TBC1D15: variants seen among roughly 807,000 people sequenced by gnomAD.
TBC1D15 encodes the protein TBC1 domain family member 15, also known as GAP for RAB7.
TBC1D15 carries 39 observed loss-of-function variants against 95.4 expected under a neutral mutation model. The observed-to-expected ratio is 0.41, with a 90% CI of 0.32 to 0.53. The LOEUF is 0.53. Ranked by LOEUF, TBC1D15 falls within the 20% of genes least tolerant of loss-of-function variation. The pLI, the probability that TBC1D15 is intolerant of heterozygous loss-of-function variation, is 0.29. For synonymous variants in TBC1D15, 258 were observed against 261.3 expected, an observed-to-expected ratio of 0.99 and a Z score of 0.12; for missense variants, 733 against 794.3, an observed-to-expected ratio of 0.92 and a Z score of 0.93.
intron 1 of TBC1D15, among the ~76,000 whole-genome samples, chr12:71,870,548 T>C (rs539195643): frequency 6.6e-6 from 1 of 152,352 alleles, no homozygotes; most frequent in South Asian, 2.1e-4. Context: ...CATATCACAG[T>C]TGATTAACAT....
intron 1 of TBC1D15, among the ~76,000 whole-genome samples, chr12:71,867,007 T>TTA (rs1891642850): frequency 6.6e-6 from 1 of 152,188 alleles, no homozygotes; most frequent in Non-Finnish European, 1.5e-5. Flanking sequence ...AAACATAAGA[T>TTA]CACACCCTTA....
chr12:71,849,314 T>C, intron 1 of TBC1D15: 1 of 1,073,136 alleles, frequency 9.3e-7, no homozygotes, highest in Non-Finnish European at 1.4e-6. Context: ...AGAATCTTTT[T>C]AGGTAAGGAG....
At chr12:71,902,203 C>A (rs1399527141) in intron 10 of TBC1D15, among the ~76,000 whole-genome samples, 1 of 152,140 alleles carries the variant, frequency 6.6e-6, no homozygotes, top group South Asian at 2.1e-4. Context: ...GTCAAACTAC[C>A]AATGACATTT....
intron 5 of TBC1D15, among the ~76,000 whole-genome samples, chr12:71,886,276 C>A (rs1159642235): frequency 6.6e-6 from 1 of 152,138 alleles, no homozygotes; most frequent in African/African-American, 2.4e-5. Context: ...TCAGACAGTT[C>A]TCCTACCTTA....
rs1010328616 is a variant in TBC1D15 at position 71,894,745 on chromosome 12, C to T, written c.717C>T (p.Tyr239=). 1 of 1,613,240 alleles carries T rather than the reference C, an allele frequency of 6.2e-7. No individual in the cohort carries two copies. Among genetic ancestry groups the T allele is most frequent in the Non-Finnish European group, 8.5e-7 (1 of 1,179,392 alleles). ...TMIGFSKVTN[Y]IFDSLRGSDP... ...TAGGATTTTCCAAAGTCACAAACTA[C>T]ATTTTTGACAGTTTGAGAGGCAGCG... Residue 239 remains tyrosine (Y), a synonymous_variant, in exon 7 of 17, where the codon TAC becomes TAT. Transcript: ENST00000485960.
rs1892822968 is a variant in TBC1D15, at chr12:71,872,097, AT to A, written c.60del (p.His21ThrfsTer13). ...KIIYEQEGVY[I>X]HSSCGKTNDQ... is the part of the protein sequence containing the mutation. ...TATATATGAACAAGAAGGAGTATAT[AT>A]TCACTCATCTTGTGGAAAGACCAAT... is the stretch of plus-strand genomic sequence containing the variant. On this transcript the variant is annotated frameshift_variant, in exon 2 of 17. Coordinates refer to ENST00000485960, the MANE Select transcript of TBC1D15 (RefSeq NM_001146213.3). LOFTEE classifies it high-confidence loss of function. The A allele has an allele frequency of 6.4e-7, 1 of 1,565,354 alleles. No individual in the cohort carries two copies. The highest frequency in any genetic ancestry group is 1.9e-5 in the Admixed American group (1 of 51,978).
intron 1 of TBC1D15, among the ~76,000 whole-genome samples, chr12:71,840,090 A>G (rs538286374): frequency 1.4e-3 from 218 of 152,328 alleles, no homozygotes; most frequent in African/African-American, 4.9e-3. Flanking sequence ...ACTAAGGGAC[A>G]GGTGGCTCTC....
At chr12:71,896,619 GAACTTAC>G in intron 8 of TBC1D15, 51 bp from the exon 9 acceptor site, 1 of 1,435,058 alleles carries the variant, frequency 7.0e-7, no homozygotes, top group Non-Finnish European at 9.6e-7. Context: ...CAAGTTTTGT[GAACTTAC>G]AGTATTACAT....
Position 71,884,896 on chromosome 12 carries a change from G to C in TBC1D15, c.429G>C (p.Glu143Asp). 6.2e-7 allele frequency: 1 copy of C among 1,614,040 alleles called. No individual in the cohort carries two copies. Residue 143 changes from glutamate (E) to aspartate (D), a missense_variant, in exon 5 of 17, where the codon GAG becomes GAC. By Grantham distance (45) the Glu-to-Asp change is conservative. Transcript: ENST00000485960. ...TGAAATCAATCAAGCAAAACAAAGAGGGTATGGGCTGGTCCTATTTGGTAT... is the reference window on the plus strand; with the variant it reads ...TGAAATCAATCAAGCAAAACAAAGACGGTATGGGCTGGTCCTATTTGGTAT... ...TDLKSIKQNK[E>D]GMGWSYLVFC...
intron 10 of TBC1D15, among the ~76,000 whole-genome samples, chr12:71,904,758 T>C (rs1900272686): frequency 6.6e-6 from 1 of 152,220 alleles, no homozygotes; most frequent in Non-Finnish European, 1.5e-5. Flanking sequence ...TAGTTTCATT[T>C]TCTCAGAAAT....
At chr12:71,912,562 G>C (rs1321647783) in intron 11 of TBC1D15, among the ~76,000 whole-genome samples, 1 of 152,072 alleles carries the variant, frequency 6.6e-6, no homozygotes, top group Non-Finnish European at 1.5e-5. Context: ...GTTTTCTCAA[G>C]AGATTTAGTT....
chr12:71,858,481 T>G (rs1158027334), intron 1 of TBC1D15, among the ~76,000 whole-genome samples: 4 of 135,394 alleles, frequency 3.0e-5, no homozygotes, highest in Non-Finnish European at 6.1e-5. Context: ...TTTGACATGC[T>G]GATTTTCTTT....
At chr12:71,894,115 G>A (rs980226951) in intron 6 of TBC1D15, among the ~76,000 whole-genome samples, 1 of 151,962 alleles carries the variant, frequency 6.6e-6, no homozygotes, top group Non-Finnish European at 1.5e-5. Flanking sequence ...AAGTTACCCT[G>A]GCACTTAACA....
intron 11 of TBC1D15, 101 bp downstream of exon 11, chr12:71,907,239 A>G: frequency 1.6e-6 from 1 of 642,044 alleles, no homozygotes; most frequent in African/African-American, 1.8e-5. Context: ...TTGTAGGCCT[A>G]GTTTTAAGAG....
At chr12:71,904,217 T>C (rs929875342) in intron 10 of TBC1D15, among the ~76,000 whole-genome samples, 1 of 152,156 alleles carries the variant, frequency 6.6e-6, no homozygotes, top group African/African-American at 2.4e-5. Flanking sequence ...GAAGGGATAA[T>C]TGGGATGCCA....
chr12:71,839,957 A>T, intron 1 of TBC1D15, 146 bp downstream of exon 1: 2 of 1,043,896 alleles, frequency 1.9e-6, no homozygotes, highest in Non-Finnish European at 1.4e-6. Context: ...GGGTGGTACC[A>T]GCTGGTTTCC....
chr12:71,840,870 A>G (rs1404168404), intron 1 of TBC1D15, among the ~76,000 whole-genome samples: 1 of 152,218 alleles, frequency 6.6e-6, no homozygotes, highest in Non-Finnish European at 1.5e-5. Flanking sequence ...GACCTTGGAA[A>G]ATTGGGCAAT....
chr12:71,845,633 C>T (rs1664839688), intron 1 of TBC1D15, among the ~76,000 whole-genome samples: 1 of 152,196 alleles, frequency 6.6e-6, no homozygotes, highest in African/African-American at 2.4e-5. Flanking sequence ...GGGATGCTTT[C>T]TGGAACCATA....
Position 71,921,392 on chromosome 12 carries a change from A to T in TBC1D15, c.1741A>T (p.Ile581Phe). 1 of 1,562,382 alleles carries T rather than the reference A, an allele frequency of 6.4e-7. No individual in the cohort carries two copies. The highest frequency in any genetic ancestry group is 8.7e-7 in the Non-Finnish European group (1 of 1,149,224). Residue 581 changes from isoleucine (I) to phenylalanine (F), a missense_variant, in exon 16 of 17, where the codon ATT (isoleucine) becomes TTT (phenylalanine). Physicochemically the swap from Ile to Phe is conservative, Grantham distance 21. Coordinates refer to ENST00000485960, the MANE Select transcript of TBC1D15 (RefSeq NM_001146213.3). ...GCATATCAATGAATTGTCCATGAAA[A>T]TTGATGTGGAAGATATACTCTGCAA... ...LKHINELSMK[I>F]DVEDILCKAE...
Sources: allele counts gnomAD v4.1 joint callset (sites outside exome capture counted in the v4.1 genomes callset), GRCh38; gene constraint gnomAD v4.1.1; transcripts MANE v1.5; gene names NCBI Gene and HGNC (gene_info 2026-07-23, HGNC 2026-07-21).